Variants in CDH20 observed in about 807,000 individuals in gnomAD.
CDH20 encodes cadherin-20.
A neutral mutation model predicts 74.2 loss-of-function variants in CDH20; 29 were observed. The ratio of observed to expected loss-of-function variants is 0.39; its 90% CI spans 0.29 to 0.53. The LOEUF (loss-of-function observed/expected upper bound fraction) is 0.53. CDH20 is among the 20% of genes least tolerant of loss of function. CDH20 has a pLI of 0.69. For missense variants in CDH20, 988 were observed against 1,048.3 expected (o/e 0.94, Z 0.79); for synonymous variants, 469 against 405.4 (o/e 1.16, Z -1.88).
intron 1 of CDH20, among the ~76,000 whole-genome samples, chr18:61,423,465 C>G (rs1208856650): frequency 6.6e-6 from 1 of 152,180 alleles, no homozygotes; most frequent in Non-Finnish European, 1.5e-5. Context: ...ATCTCTGCAT[C>G]ATCCATCAGG....
intron 6 of CDH20, among the ~76,000 whole-genome samples, chr18:61,523,531 A>G (rs906206519): frequency 2.0e-5 from 3 of 152,196 alleles, no homozygotes; most frequent in Non-Finnish European, 4.4e-5. Flanking sequence ...AGGATCTAGA[A>G]CCAGAAATAC....
chr18:61,555,507 T>C lies in CDH20; in HGVS notation c.*812T>C. The C allele has an allele frequency of 1.0e-6, 1 of 985,414 alleles. No individual in the cohort carries two copies. The highest frequency in any genetic ancestry group is 1.7e-5 in the African/African-American group (1 of 57,346). 61.0% of individuals were successfully genotyped at this position (985,414 alleles called of 1,614,324 possible). On this transcript the variant is annotated 3_prime_UTR_variant, in exon 12 of 12. Transcript: ENST00000262717. ...TCTTCCATGTGCCAAATGTGGAGAT[T>C]AGATGCTACAAATGAAAGCCAAATA...
Position 61,528,252 on chromosome 18 carries a change from T to C in CDH20, c.1271+32T>C, listed in dbSNP as rs751478204. The C allele has an allele frequency of 1.2e-5, 20 of 1,604,492 alleles. No individual in the cohort carries two copies. In the East Asian group the frequency reaches 4.0e-4, roughly 32 times the overall value. ...CCACAGATTTCACCTTTTCCTTATA[T>C]GCTGGAATCTTCCCTTCCCTTGTAT... On this transcript the variant is annotated intron_variant, in intron 7 of 11. Transcript: ENST00000262717.
At chr18:61,403,387 G>A (rs1387961708) in intron 1 of CDH20, among the ~76,000 whole-genome samples, 1 of 152,212 alleles carries the variant, frequency 6.6e-6, no homozygotes, top group Non-Finnish European at 1.5e-5. Context: ...TGTTTTGCTA[G>A]AGTTATCTTT....
chr18:61,426,957 C>T (rs138066954), intron 1 of CDH20, among the ~76,000 whole-genome samples: 1 of 152,200 alleles, frequency 6.6e-6, no homozygotes, highest in Admixed American at 6.5e-5. Flanking sequence ...CTGACTGAGA[C>T]TGCAATGACC....
At chr18:61,350,469 G>T (rs1568105554) in intron 1 of CDH20, among the ~76,000 whole-genome samples, 1 of 151,948 alleles carries the variant, frequency 6.6e-6, no homozygotes, top group South Asian at 2.1e-4. Flanking sequence ...TTCCATGCAC[G>T]ATTCCACCCT....
At chr18:61,403,201 T>G (rs1912214301) in intron 1 of CDH20, among the ~76,000 whole-genome samples, 1 of 152,338 alleles carries the variant, frequency 6.6e-6, no homozygotes, top group Non-Finnish European at 1.5e-5. Flanking sequence ...TTCTTTGTAT[T>G]AGTTTTTCAG....
intron 1 of CDH20, among the ~76,000 whole-genome samples, chr18:61,338,501 C>T (rs1909832996): frequency 6.6e-6 from 1 of 152,108 alleles, no homozygotes; most frequent in African/African-American, 2.4e-5. Flanking sequence ...CAATTCACCT[C>T]AAGGTATATG....
At chr18:61,544,394 G>T (rs756816869) in intron 9 of CDH20, among the ~76,000 whole-genome samples, 3 of 152,224 alleles carry the variant, frequency 2.0e-5, no homozygotes, top group African/African-American at 2.4e-5. Context: ...CAAGGACACA[G>T]GGCCAGTGTG....
intron 5 of CDH20, among the ~76,000 whole-genome samples, chr18:61,506,268 T>A (rs118048166): frequency 0.025 from 3,740 of 152,308 alleles, 69 homozygotes; most frequent in Non-Finnish European, 0.038. Context: ...TCAACAACTT[T>A]GGAAGTAAAT....
At chr18:61,419,599 AT>A (rs1263392077) in intron 1 of CDH20, among the ~76,000 whole-genome samples, 2 of 152,198 alleles carry the variant, frequency 1.3e-5, no homozygotes, top group Admixed American at 1.3e-4. Context: ...CAGTATTTGT[AT>A]CTTTTCCCAA....
intron 1 of CDH20, among the ~76,000 whole-genome samples, chr18:61,390,385 G>T (rs1356480620): frequency 6.6e-6 from 1 of 152,130 alleles, no homozygotes; most frequent in Non-Finnish European, 1.5e-5. Flanking sequence ...GAAAAAATTT[G>T]TAATGGCCCA....
At chr18:61,505,002 C>A (rs1911510025) in intron 5 of CDH20, among the ~76,000 whole-genome samples, 1 of 152,110 alleles carries the variant, frequency 6.6e-6, no homozygotes, top group African/African-American at 2.4e-5. Flanking sequence ...TGAAATGCCA[C>A]ATGGATGGAC....
At chr18:61,352,496 G>A (rs1910338624) in intron 1 of CDH20, among the ~76,000 whole-genome samples, 2 of 152,116 alleles carry the variant, frequency 1.3e-5, no homozygotes, top group African/African-American at 4.8e-5. Flanking sequence ...TATTTCTGGA[G>A]TTGTAAATGA....
intron 1 of CDH20, among the ~76,000 whole-genome samples, chr18:61,382,021 G>C (rs182531348): frequency 1.3e-5 from 2 of 152,112 alleles, no homozygotes; most frequent in African/African-American, 4.8e-5. Flanking sequence ...AACGTCTCTT[G>C]GCTCTATCTC....
chr18:61,364,805 C>G (rs2429727), intron 1 of CDH20, among the ~76,000 whole-genome samples: 1 of 152,004 alleles, frequency 6.6e-6, no homozygotes, highest in Non-Finnish European at 1.5e-5. Context: ...GCCAAATAAC[C>G]CTTTTTCTTT....
chr18:61,490,577 C>A lies in CDH20; in HGVS notation c.24C>A (p.Ser8Arg). 7 of 1,614,052 alleles carry A rather than the reference C, an allele frequency of 4.3e-6. No homozygotes were observed. The highest frequency in any genetic ancestry group is 5.1e-6 in the Non-Finnish European group (6 of 1,179,942). MWTSGRM[S>R]NAKNWLGLGM... ...CCATGTGGACTTCTGGTAGAATGAGCAATGCAAAGAACTGGCTTGGACTTG... is the reference window on the plus strand; with the variant it reads ...CCATGTGGACTTCTGGTAGAATGAGAAATGCAAAGAACTGGCTTGGACTTG... Residue 8 changes from serine (S) to arginine (R), a missense_variant, in exon 2 of 12, where the codon AGC becomes AGA. Transcript: ENST00000262717.
intron 1 of CDH20, among the ~76,000 whole-genome samples, chr18:61,481,148 A>G (rs1480883605): frequency 6.6e-6 from 1 of 152,250 alleles, no homozygotes; most frequent in Non-Finnish European, 1.5e-5. Flanking sequence ...AAAAGATATT[A>G]CCCATGTCTT....
chr18:61,341,408 A>T (rs1452590462), intron 1 of CDH20, among the ~76,000 whole-genome samples: 1 of 121,690 alleles, frequency 8.2e-6, no homozygotes, highest in Non-Finnish European at 1.8e-5. Flanking sequence ...CTGATTACAC[A>T]ATGACTGCCT....
Sources: allele counts gnomAD v4.1 joint callset (sites outside exome capture counted in the v4.1 genomes callset), GRCh38; gene constraint gnomAD v4.1.1; transcripts MANE v1.5; gene names NCBI Gene and HGNC (gene_info 2026-07-23, HGNC 2026-07-21).